Variants in NRG1 observed in about 807,000 individuals in gnomAD.
NRG1 encodes the protein neuregulin 1, also known as pro-neuregulin-1, membrane-bound isoform.
NRG1 carries 18 observed loss-of-function variants against 63.8 expected under a neutral mutation model. That is an observed-to-expected ratio of 0.28 (90% CI 0.19 to 0.42). The LOEUF (loss-of-function observed/expected upper bound fraction) is 0.42, where lower values mean the gene tolerates loss of function less well. Ranked by LOEUF, NRG1 falls within the 10% of genes least tolerant of loss-of-function variation. NRG1 has a pLI of 1.00. For missense variants in NRG1, 762 were observed against 814.7 expected, an observed-to-expected ratio of 0.94 and a Z score of 0.79; for synonymous variants, 302 against 301.3, an observed-to-expected ratio of 1.00 and a Z score of -0.02.
chr8:32,743,010 A>G, intron 7 of NRG1: 1 of 1,240,154 alleles, frequency 8.1e-7, no homozygotes, highest in Non-Finnish European at 1.0e-6. Context: ...ATTGATAGTC[A>G]ATATCAAGCA....
At chr8:32,151,353 C>A (rs1395061295) in intron 1 of NRG1, among the ~76,000 whole-genome samples, 1 of 152,112 alleles carries the variant, frequency 6.6e-6, no homozygotes, top group African/African-American at 2.4e-5. Flanking sequence ...AAATTGGGCT[C>A]TCATTTTGGA....
At chr8:32,208,907 A>G (rs1329423995) in intron 1 of NRG1, among the ~76,000 whole-genome samples, 1 of 152,184 alleles carries the variant, frequency 6.6e-6, no homozygotes, top group Non-Finnish European at 1.5e-5. Context: ...GTTTTCTTAT[A>G]CATACCTTCC....
intron 1 of NRG1, among the ~76,000 whole-genome samples, chr8:31,979,576 G>A (rs925496215): frequency 2.0e-5 from 3 of 151,914 alleles, no homozygotes; most frequent in Non-Finnish European, 2.9e-5. Flanking sequence ...TTTAGGCAGT[G>A]GTTTCTTTGA....
At chr8:32,223,310 C>G (rs1846013277) in intron 1 of NRG1, among the ~76,000 whole-genome samples, 1 of 152,136 alleles carries the variant, frequency 6.6e-6, no homozygotes, top group African/African-American at 2.4e-5. Context: ...TATAAAATAA[C>G]TTTAGAGTTC....
In NRG1 at chr8:31,938,710, T is replaced by TA. The variant is rs199746396; in HGVS notation, c.37+299285dup. On this transcript the variant is annotated intron_variant, in intron 1 of 10. Coordinates refer to the NRG1 transcript ENST00000519301. Reference sequence around the variant, plus strand: ...TCTTCAGTGAAATAAAGAGCATAAATAAAAAACAATTGCAACTTCTGGAAA... The same window carrying TA: ...TCTTCAGTGAAATAAAGAGCATAAATAAAAAAACAATTGCAACTTCTGGAAA... Among the ~76,000 whole-genome samples, 157 of 151,976 alleles carry TA rather than the reference T, an allele frequency of 1.0e-3. 1 individual carries two copies. The East Asian group carries it at 0.026, about 25-fold the overall frequency.
At chr8:32,668,623 ATAAT>A (rs1804843506) in intron 5 of NRG1, among the ~76,000 whole-genome samples, 4 of 152,334 alleles carry the variant, frequency 2.6e-5, no homozygotes, top group African/African-American at 9.6e-5. Flanking sequence ...ATATTTTAGC[ATAAT>A]TAATTATACC....
rs887180058 is a variant in NRG1 at position 31,830,475 on chromosome 8, T to C, written c.37+191044T>C. On this transcript the variant is annotated intron_variant, in intron 1 of 10. Transcript: ENST00000519301. ...CTTAGATCAGCTGGGACAACTTAAA[T>C]TGCAAGCTACCAGAAATATCATATT... 3.3e-5 allele frequency among the ~76,000 whole-genome samples: 5 copies of C among 152,168 alleles called. No individual in the cohort carries two copies. In the East Asian group the frequency reaches 9.7e-4, roughly 30 times the overall value.
chr8:32,210,825 G>A lies in NRG1; in HGVS notation c.38-385003G>A, dbSNP rs527403905. Among the ~76,000 whole-genome samples the A allele has an allele frequency of 1.2e-3, 185 of 152,316 alleles. 1 individual carries two copies. Among genetic ancestry groups the A allele is most frequent in the African/African-American group, 4.2e-3 (176 of 41,572 alleles). ...GGGCTTAGCTTTATCTCTGTCTACA[G>A]TAGCAGCCCAGGACAAAACATTCAT... On this transcript the variant is annotated intron_variant, in intron 1 of 10. Transcript: ENST00000519301.
chr8:32,465,978 G>A (rs1316219363), intron 1 of NRG1, among the ~76,000 whole-genome samples: 1 of 152,090 alleles, frequency 6.6e-6, no homozygotes, highest in African/African-American at 2.4e-5. Context: ...ACAGTGATGA[G>A]CCTTCAGATA....
intron 1 of NRG1, among the ~76,000 whole-genome samples, chr8:32,095,813 A>T (rs927587354): frequency 3.3e-5 from 5 of 152,208 alleles, no homozygotes; most frequent in Admixed American, 3.3e-4. Flanking sequence ...GTTTTTAAAG[A>T]AGGAAAAATA....
intron 1 of NRG1, among the ~76,000 whole-genome samples, chr8:31,961,463 TCTC>T (rs1407547123): frequency 6.6e-6 from 1 of 152,194 alleles, no homozygotes; most frequent in Non-Finnish European, 1.5e-5. Context: ...TCCATTGTTG[TCTC>T]CTCCATTTAA....
intron 1 of NRG1, among the ~76,000 whole-genome samples, chr8:32,429,547 G>T (rs1817863963): frequency 6.6e-6 from 1 of 152,056 alleles, no homozygotes; most frequent in African/African-American, 2.4e-5. Flanking sequence ...AACATGACTT[G>T]GATTAGAGAT....
chr8:31,703,186 A>G (rs1390202674), intron 1 of NRG1, among the ~76,000 whole-genome samples: 1 of 151,276 alleles, frequency 6.6e-6, no homozygotes, highest in Non-Finnish European at 1.5e-5. Context: ...ATGCTATAAA[A>G]TCTGTCATAC....
At chr8:31,950,839 G>A (rs1416829779) in intron 1 of NRG1, among the ~76,000 whole-genome samples, 1 of 152,110 alleles carries the variant, frequency 6.6e-6, no homozygotes, top group Non-Finnish European at 1.5e-5. Flanking sequence ...ATCAGCCTTG[G>A]GCATTTTGGC....
chr8:32,385,211 A>G (rs1330232636), intron 1 of NRG1, among the ~76,000 whole-genome samples: 1 of 151,742 alleles, frequency 6.6e-6, no homozygotes, highest in East Asian at 2.0e-4. Context: ...TATTTTTAGT[A>G]GAGACAGGGT....
chr8:32,342,089 CTG>C (rs1397149058), intron 1 of NRG1, among the ~76,000 whole-genome samples: 1 of 152,104 alleles, frequency 6.6e-6, no homozygotes, highest in Admixed American at 6.6e-5. Flanking sequence ...ATGTCAAAGA[CTG>C]TGTCAGTCAA....
Position 31,834,301 on chromosome 8 carries a change from A to ATGTGTG in NRG1, c.37+194870_37+194871insTGTGTG, listed in dbSNP as rs376775050. 4.3e-4 allele frequency among the ~76,000 whole-genome samples: 62 copies of ATGTGTG among 145,532 alleles called. 1 individual carries two copies. The highest frequency in any genetic ancestry group is 1.8e-3 in the South Asian group (8 of 4,542). On this transcript the variant is annotated intron_variant, in intron 1 of 10. Coordinates refer to the NRG1 transcript ENST00000519301. ...GATCTCCCTTCATGCGTGTGCGCGC[A>ATGTGTG]CGCGCGCACACACACACACACACAC...
chr8:32,199,843 G>A (rs909747385), intron 1 of NRG1, among the ~76,000 whole-genome samples: 2 of 151,912 alleles, frequency 1.3e-5, no homozygotes, highest in African/African-American at 2.4e-5. Flanking sequence ...GCAATGACAC[G>A]ATCTTAGTTC....
intron 1 of NRG1, among the ~76,000 whole-genome samples, chr8:31,759,292 A>G (rs1000455848): frequency 5.3e-5 from 8 of 152,056 alleles, no homozygotes; most frequent in Non-Finnish European, 8.8e-5. Context: ...GTTTTAGCAT[A>G]CTGTCTAAGA....
Sources: allele counts gnomAD v4.1 joint callset (sites outside exome capture counted in the v4.1 genomes callset), GRCh38; gene constraint gnomAD v4.1.1; transcripts MANE v1.5; gene names NCBI Gene and HGNC (gene_info 2026-07-23, HGNC 2026-07-21).